Variants in LMTK3 observed in about 807,000 individuals in gnomAD.
LMTK3 encodes serine/threonine-protein kinase LMTK3.
A neutral mutation model predicts 116.7 loss-of-function variants in LMTK3; 27 were observed. The ratio of observed to expected loss-of-function variants is 0.23; its 90% CI spans 0.17 to 0.32. LMTK3 has a LOEUF of 0.32. LMTK3 is among the 10% of genes least tolerant of loss of function. The probability of loss-of-function intolerance (pLI) is 1.00; values close to 1 mark genes in which losing one functional copy is unlikely to be tolerated. For missense variants in LMTK3, 1,764 were observed against 2,068.5 expected, an observed-to-expected ratio of 0.85 and a Z score of 2.86; for synonymous variants, 965 against 971.0, an observed-to-expected ratio of 0.99 and a Z score of 0.11.
chr19:48,504,450 C>T (rs1359860696), intron 5 of LMTK3, among the ~76,000 whole-genome samples: 2 of 152,226 alleles, frequency 1.3e-5, no homozygotes, highest in Non-Finnish European at 2.9e-5. Flanking sequence ...TAACAACTTC[C>T]TCTGAGGAAT....
intron 5 of LMTK3, among the ~76,000 whole-genome samples, chr19:48,503,739 TCCCAAACCTGCAGG>T (rs972925334): frequency 2.6e-5 from 4 of 152,130 alleles, no homozygotes; most frequent in African/African-American, 9.7e-5. Context: ...ATGTGGGTTT[TCCCAAACCTGCAGG>T]CCCTTGCTTA....
chr19:48,495,015 G>GTT (rs760344922), intron 11 of LMTK3, among the ~76,000 whole-genome samples: 3,426 of 144,186 alleles, frequency 0.024, 61 homozygotes, highest in South Asian at 0.084. Flanking sequence ...TGTTTTTTTT[G>GTT]TTTTTTTTTT....
chr19:48,513,193 A>G, upstream of LMTK3: 1 of 1,593,180 alleles, frequency 6.3e-7, no homozygotes, highest in South Asian at 1.1e-5. The surrounding 1 kb of genome is among the most constrained non-coding windows in gnomAD (Gnocchi z 5.6). Flanking sequence ...GCCTCATACA[A>G]AAGATACATG....
At chr19:48,505,890 G>A (rs1192912538) in intron 5 of LMTK3, among the ~76,000 whole-genome samples, 1 of 134,852 alleles carries the variant, frequency 7.4e-6, no homozygotes, top group Non-Finnish European at 1.6e-5. Flanking sequence ...TCTGTAATCC[G>A]AATACTTTGG....
intron 12 of LMTK3, 78 bp downstream of exon 12, chr19:48,493,616 C>T (rs1972267413): frequency 4.1e-6 from 6 of 1,478,840 alleles, no homozygotes; most frequent in South Asian, 3.9e-5. Context: ...CTCGGCCTCC[C>T]GCCAGGCCCT....
At chr19:48,504,589 G>A (rs994041989) in intron 5 of LMTK3, among the ~76,000 whole-genome samples, 1 of 151,048 alleles carries the variant, frequency 6.6e-6, no homozygotes, top group Non-Finnish European at 1.5e-5. Flanking sequence ...TTGCTCTTTC[G>A]CCCAGTCTGG....
intron 12 of LMTK3, among the ~76,000 whole-genome samples, chr19:48,493,316 CCCGCCCTGGGCT>C (rs1270717011): frequency 6.3e-4 from 95 of 150,136 alleles, no homozygotes; most frequent in Non-Finnish European, 1.1e-3. Flanking sequence ...CCCTCCAGGC[CCCGCCCTGGGCT>C]CCGCCCCCCA....
intron 5 of LMTK3, among the ~76,000 whole-genome samples, chr19:48,507,817 C>T (rs1374058636): frequency 1.3e-5 from 2 of 152,066 alleles, no homozygotes; most frequent in Non-Finnish European, 2.9e-5. Flanking sequence ...TGTTTGCTGG[C>T]ACAGGTTTAG....
chr19:48,486,728 G>T (rs181090257), intron 14 of LMTK3, among the ~76,000 whole-genome samples: 1 of 151,524 alleles, frequency 6.6e-6, no homozygotes, highest in Non-Finnish European at 1.5e-5. Context: ...TAGTAGAGAC[G>T]GGTTTTTACT....
At chr19:48,486,513 G>A (rs1392733391) in intron 14 of LMTK3, among the ~76,000 whole-genome samples, 1 of 151,924 alleles carries the variant, frequency 6.6e-6, no homozygotes, top group Admixed American at 6.6e-5. Flanking sequence ...ACTCTGGGAT[G>A]ACCCTGTCCT....
chr19:48,503,071 C>T, intron 5 of LMTK3, 75 bp from the exon 6 acceptor site: 1 of 836,360 alleles, frequency 1.2e-6, no homozygotes, highest in Non-Finnish European at 2.0e-6. Flanking sequence ...CCAGCAGAAC[C>T]AAACTGCTGC....
rs1425354598 is a variant in LMTK3, at chr19:48,498,826, C to T, written c.2243G>A (p.Gly748Glu). Reference sequence around the variant, plus strand: ...CGGGGGGGGGGGAGCGGGAGGTGGCCCCCGCCCGGGGTACTGGGGCGCCGC... The same window carrying T: ...CGGGGGGGGGGGAGCGGGAGGTGGCTCCCGCCCGGGGTACTGGGGCGCCGC... ...GAAAPQYPGR[G>E]PPPAPPPPPP... Residue 748 changes from glycine to glutamate, a missense_variant, in exon 11 of 15, where the codon GGG (glycine) becomes GAG (glutamate). Transcript: ENST00000600059. 1,344 of 1,262,526 alleles carry T rather than the reference C, an allele frequency of 1.1e-3. 3 individuals are homozygous for T. Among genetic ancestry groups the T allele is most frequent in the Non-Finnish European group, 1.0e-3 (979 of 982,708 alleles). The allele number at this position is 1,262,526 out of a possible 1,614,324, so 78.2% of individuals were successfully genotyped here.
Position 48,498,916 on chromosome 19 carries a change from G to T in LMTK3, c.2153C>A (p.Ala718Asp). The change falls in exon 11 of 15, where the codon GCC becomes GAC. Residue 718 changes from alanine to aspartate, a missense_variant. Physicochemically the swap from Ala to Asp is moderately radical, Grantham distance 126. Around this residue, in one of 7 missense-constraint regions of LMTK3, gnomAD observed 1,028 missense variants for 1,050.6 expected, o/e 0.98. Coordinates refer to ENST00000600059, the MANE Select transcript of LMTK3 (RefSeq NM_001388485.1). ...GGCGGGGGGGGCCATGGGCAAGTCG[G>T]CCAGGGAGCCCCGCTCTGCCCGCAG... ...SSLRAERGSLADLPMAPPASA... is the reference protein window; with the variant it reads ...SSLRAERGSLDDLPMAPPASA... The T allele has an allele frequency of 3.9e-6, 5 of 1,286,776 alleles. No individual in the cohort carries two copies. Among genetic ancestry groups the T allele is most frequent in the Non-Finnish European group, 4.9e-6 (5 of 1,020,378 alleles). 79.7% of individuals were successfully genotyped at this position (1,286,776 alleles called of 1,614,324 possible).
At chr19:48,490,960 G>T in intron 14 of LMTK3, 148 bp downstream of exon 14, 2 of 513,998 alleles carry the variant, frequency 3.9e-6, no homozygotes, top group Middle Eastern at 4.7e-4. Context: ...TTCCAGAGCT[G>T]GGTGGGGTGT....
At position 48,502,959 on chromosome 19, in the gene LMTK3, G is replaced by T; in HGVS notation, c.595C>A (p.Leu199Met). 6.2e-7 allele frequency: 1 copy of T among 1,613,350 alleles called. No homozygotes were observed. The highest frequency in any genetic ancestry group is 8.5e-7 in the Non-Finnish European group (1 of 1,179,620). ...AGAAACGGCAGCGTCTCCACGCACA[G>T]ACCCAGGCACTGGAGGACATTGGGG... ...QHPNVLQCLG[L>M]CVETLPFLLI... Residue 199 changes from leucine to methionine, a missense_variant, in exon 6 of 15, where the codon CTG becomes ATG. Leu to Met is a conservative substitution (Grantham distance 15). This residue lies in a region of LMTK3 where 271 missense variants were observed against 478.2 expected (regional missense o/e 0.57). Transcript: ENST00000600059.
At chr19:48,492,246 T>C (rs1972239510) in intron 12 of LMTK3, among the ~76,000 whole-genome samples, 1 of 152,196 alleles carries the variant, frequency 6.6e-6, no homozygotes, top group Non-Finnish European at 1.5e-5. Flanking sequence ...TGGAGAGCAG[T>C]GTTGTGATCA....
At chr19:48,509,187 G>A (rs1972616913) in intron 4 of LMTK3, among the ~76,000 whole-genome samples, 1 of 152,138 alleles carries the variant, frequency 6.6e-6, no homozygotes, top group Non-Finnish European at 1.5e-5. Context: ...ACAGACGGAC[G>A]GACGCGTGGA....
chr19:48,511,418 C>A (rs1475906976), intron 1 of LMTK3, 83 bp downstream of exon 1: 2 of 542,890 alleles, frequency 3.7e-6, no homozygotes, highest in Non-Finnish European at 5.7e-6. Flanking sequence ...CGGGGCAGGA[C>A]CCGCAGACAG....
In LMTK3 at chr19:48,498,151, G is replaced by A. The variant is rs757975747; in HGVS notation, c.2918C>T (p.Ala973Val). 3 of 1,613,218 alleles carry A rather than the reference G, an allele frequency of 1.9e-6. No homozygotes were observed. The highest frequency in any genetic ancestry group is 2.2e-5 in the South Asian group (2 of 91,058). ...GGACCTCAGCTCCCCATTCTCCAGC[G>A]CTTTCTCCTCCCTCCTTGGGGGTGT... ...ELTPPRREEK[A>V]LENGELRSPE... The change falls in exon 11 of 15, where the codon GCG becomes GTG. Residue 973 changes from alanine (A) to valine (V), a missense_variant. Physicochemically the swap from Ala to Val is moderately conservative, Grantham distance 64. Transcript: ENST00000600059.
Sources: gnomAD v4.1 joint callset for allele counts (sites outside exome capture counted in the v4.1 genomes callset) on GRCh38, gnomAD v4.1.1 for gene constraint, gnomAD v4.1.1 regional missense constraint, Gnocchi (gnomAD v3.1) non-coding constraint, MANE v1.5 for transcripts, NCBI Gene and HGNC (gene_info 2026-07-23, HGNC 2026-07-21) for gene names.